Variants in ZDHHC17 observed in about 807,000 individuals in gnomAD.
ZDHHC17 encodes the protein palmitoyltransferase ZDHHC17.
A neutral mutation model predicts 90.3 loss-of-function variants in ZDHHC17; 40 were observed. That is an observed-to-expected ratio of 0.44 (90% CI 0.34 to 0.58). The LOEUF is 0.58. Among genes scored for constraint, ZDHHC17 ranks in the 20% least tolerant of loss-of-function variants. The pLI is 0.01. For missense variants in ZDHHC17, 614 were observed against 780.8 expected, an observed-to-expected ratio of 0.79 and a Z score of 2.55; for synonymous variants, 235 against 252.4, an observed-to-expected ratio of 0.93 and a Z score of 0.65.
intron 10 of ZDHHC17, among the ~76,000 whole-genome samples, chr12:76,830,256 G>T (rs1299606737): frequency 2.0e-5 from 3 of 151,980 alleles, no homozygotes; most frequent in Non-Finnish European, 4.4e-5. Context: ...TTAATACCTG[G>T]TTTTGTTTCA....
At chr12:76,771,118 T>C (rs554145293) in intron 1 of ZDHHC17, among the ~76,000 whole-genome samples, 1 of 152,278 alleles carries the variant, frequency 6.6e-6, no homozygotes, top group East Asian at 1.9e-4. Context: ...ATTTTAATTT[T>C]GGAATTTGAA....
intron 1 of ZDHHC17, 26 bp from the exon 2 acceptor site, chr12:76,797,408 C>T (rs1219680608): frequency 6.5e-7 from 1 of 1,530,968 alleles, no homozygotes; most frequent in Admixed American, 1.9e-5. Context: ...TCAATTCTTG[C>T]CTGTGTGTGA....
At chr12:76,813,499 G>T in intron 5 of ZDHHC17, 1 of 303,828 alleles carries the variant, frequency 3.3e-6, no homozygotes, top group Non-Finnish European at 6.5e-6. Flanking sequence ...CTTATCTAAT[G>T]TAGTGGTTCT....
At position 76,852,286 on chromosome 12, in the gene ZDHHC17, TGA is replaced by T. The variant is rs1165483537; in HGVS notation, c.*1305_*1306del. The T allele has an allele frequency of 6.6e-6, 1 of 152,598 alleles. No individual in the cohort carries two copies. The highest frequency in any genetic ancestry group is 1.5e-5 in the Non-Finnish European group (1 of 68,034). 9.5% of individuals were successfully genotyped at this position (152,598 alleles called of 1,614,324 possible). A position where few individuals can be genotyped will look rare whatever the true frequency, so the allele number is the denominator to read the frequency against. ...GTTCGAGCAACCTGTGGGAAATCTG[TGA>T]GAGGGAATGGGGTGGGAGATGTGGG... On this transcript the variant is annotated 3_prime_UTR_variant, in exon 17 of 17. Coordinates refer to ENST00000426126, the MANE Select transcript of ZDHHC17 (RefSeq NM_015336.4).
chr12:76,811,654 A>C (rs944021043), intron 5 of ZDHHC17, among the ~76,000 whole-genome samples: 1 of 152,172 alleles, frequency 6.6e-6, no homozygotes, highest in South Asian at 2.1e-4. Flanking sequence ...GCACACAAAG[A>C]TAATAAATGT....
chr12:76,819,874 T>A (rs1199414103), intron 7 of ZDHHC17, among the ~76,000 whole-genome samples: 1 of 151,618 alleles, frequency 6.6e-6, no homozygotes, highest in African/African-American at 2.4e-5. Context: ...ATGTCTGTAA[T>A]CCCAGCTACT....
intron 1 of ZDHHC17, among the ~76,000 whole-genome samples, chr12:76,793,468 T>C (rs999638630): frequency 1.3e-5 from 2 of 152,164 alleles, no homozygotes; most frequent in Admixed American, 1.3e-4. Context: ...TGCAGTGAGC[T>C]GAGATCATGC....
chr12:76,809,013 A>G, intron 3 of ZDHHC17, 30 bp from the exon 4 acceptor site: 1 of 1,344,766 alleles, frequency 7.4e-7, no homozygotes, highest in Non-Finnish European at 9.8e-7. Flanking sequence ...AATGAAAGTT[A>G]TTTAAATTAT....
At chr12:76,793,453 G>A (rs1340687289) in intron 1 of ZDHHC17, among the ~76,000 whole-genome samples, 3 of 152,200 alleles carry the variant, frequency 2.0e-5, no homozygotes, top group Non-Finnish European at 4.4e-5. Context: ...CTGGGAGGCG[G>A]AGGTTGCAGT....
At chr12:76,823,767 C>T (rs757764600) in intron 8 of ZDHHC17, among the ~76,000 whole-genome samples, 31 of 152,154 alleles carry the variant, frequency 2.0e-4, no homozygotes, top group Non-Finnish European at 4.0e-4. Flanking sequence ...TTGAAAAGTC[C>T]CCTGGTCCGT....
intron 10 of ZDHHC17, among the ~76,000 whole-genome samples, chr12:76,831,572 G>C (rs1209439846): frequency 6.6e-6 from 1 of 152,120 alleles, no homozygotes; most frequent in East Asian, 1.9e-4. Context: ...GACTGGTCTT[G>C]AACTCCTGAC....
At chr12:76,835,358 C>G (rs982844722) in intron 10 of ZDHHC17, among the ~76,000 whole-genome samples, 9 of 151,866 alleles carry the variant, frequency 5.9e-5, no homozygotes, top group African/African-American at 2.2e-4. Context: ...GCCAGTCTTA[C>G]GCCATTTTGA....
rs749277318 is a variant in ZDHHC17, at chr12:76,852,029, G to A, written c.*1044G>A. On this transcript the variant is annotated 3_prime_UTR_variant, in exon 17 of 17. Transcript: ENST00000426126. Reference sequence around the variant, plus strand: ...CAGTATATTCTGGTTTCAATAAAATGACCTATCAGAAAGTAGAATTTCATC... The same window carrying A: ...CAGTATATTCTGGTTTCAATAAAATAACCTATCAGAAAGTAGAATTTCATC... The A allele has an allele frequency of 4.6e-5, 7 of 152,582 alleles. No homozygotes were observed. Among genetic ancestry groups the A allele is most frequent in the Non-Finnish European group, 8.8e-5 (6 of 68,022 alleles). 9.5% of individuals were successfully genotyped at this position (152,582 alleles called of 1,614,324 possible).
intron 7 of ZDHHC17, among the ~76,000 whole-genome samples, chr12:76,818,622 T>G (rs1443478094): frequency 6.6e-6 from 1 of 152,170 alleles, no homozygotes; most frequent in Non-Finnish European, 1.5e-5. Context: ...CAGAGACATG[T>G]GGGAAAAAAT....
intron 2 of ZDHHC17, among the ~76,000 whole-genome samples, chr12:76,802,487 C>T (rs1164458406): frequency 1.3e-5 from 2 of 152,164 alleles, no homozygotes; most frequent in Non-Finnish European, 2.9e-5. Flanking sequence ...AGGAAGTTTT[C>T]AGCTATTATT....
intron 5 of ZDHHC17, among the ~76,000 whole-genome samples, chr12:76,812,175 C>T (rs567692410): frequency 1.6e-4 from 24 of 152,232 alleles, no homozygotes; most frequent in Admixed American, 7.9e-4. Context: ...TTGTAAAAGA[C>T]ACTCTTCCAA....
At chr12:76,837,352 G>A (rs568451527) in intron 10 of ZDHHC17, among the ~76,000 whole-genome samples, 6 of 152,162 alleles carry the variant, frequency 3.9e-5, no homozygotes, top group Non-Finnish European at 7.4e-5. Context: ...AAAATTAGCC[G>A]GGTGTGGTGG....
At chr12:76,793,794 A>G (rs1333560495) in intron 1 of ZDHHC17, among the ~76,000 whole-genome samples, 1 of 152,212 alleles carries the variant, frequency 6.6e-6, no homozygotes, top group African/African-American at 2.4e-5. Context: ...AATGACACAC[A>G]TACATATTTT....
chr12:76,805,739 A>T (rs908537795), intron 3 of ZDHHC17, among the ~76,000 whole-genome samples: 5 of 152,226 alleles, frequency 3.3e-5, no homozygotes, highest in Non-Finnish European at 7.3e-5. Context: ...AAACTGAAGC[A>T]CAGACAGTTT....
Sources: allele counts gnomAD v4.1 joint callset (sites outside exome capture counted in the v4.1 genomes callset), GRCh38; gene constraint gnomAD v4.1.1; transcripts MANE v1.5; gene names NCBI Gene and HGNC (gene_info 2026-07-23, HGNC 2026-07-21).